Variants in NR4A1 observed in about 807,000 individuals in gnomAD.
NR4A1 encodes the protein nuclear receptor subfamily 4immunitygroup A member 1.
NR4A1 carries 24 observed loss-of-function variants against 47.5 expected under a neutral mutation model. That is an observed-to-expected ratio of 0.50 (90% CI 0.37 to 0.71). The LOEUF (loss-of-function observed/expected upper bound fraction) is 0.71, where lower values mean the gene tolerates loss of function less well. Among genes scored for constraint, NR4A1 ranks in the 30% least tolerant of loss-of-function variants. NR4A1 has a pLI of 0.00. For synonymous variants in NR4A1, 353 were observed against 345.7 expected, an observed-to-expected ratio of 1.02 and a Z score of -0.24; for missense variants, 669 against 788.6, an observed-to-expected ratio of 0.85 and a Z score of 1.82.
intron 1 of NR4A1, among the ~76,000 whole-genome samples, chr12:52,028,029 C>T (rs1938034014): frequency 6.6e-6 from 1 of 151,714 alleles, no homozygotes; most frequent in African/African-American, 2.4e-5. Flanking sequence ...TGATGAAATC[C>T]TGTCTCTACA....
chr12:52,025,063 CTT>C (rs532559170), intron 1 of NR4A1, among the ~76,000 whole-genome samples: 11 of 132,126 alleles, frequency 8.3e-5, no homozygotes, highest in Admixed American at 1.5e-4. Flanking sequence ...CTCACTGCTG[CTT>C]TTTTTTTTTT....
chr12:52,051,164 G>T (rs916919760), upstream of NR4A1, among the ~76,000 whole-genome samples: 2 of 152,214 alleles, frequency 1.3e-5, no homozygotes, highest in Non-Finnish European at 2.9e-5. Flanking sequence ...CGGGCGCGGC[G>T]GGCGCGAGGA....
intron 1 of NR4A1, among the ~76,000 whole-genome samples, chr12:52,028,474 T>G (rs1938048126): frequency 6.6e-6 from 1 of 151,886 alleles, no homozygotes; most frequent in Non-Finnish European, 1.5e-5. Context: ...CTTGGGAGGC[T>G]GAGGCAGGAG....
intron 4 of NR4A1, 42 bp downstream of exon 4, chr12:52,056,687 C>A: frequency 6.6e-7 from 1 of 1,516,264 alleles, no homozygotes; most frequent in Non-Finnish European, 8.8e-7. Context: ...GGTCTATGAG[C>A]ACATGCAGTG....
rs1555168682 is a variant in NR4A1 at position 52,052,304 on chromosome 12, TGAGA to T, written c.-3+757_-3+760del. ...GTGTGTGTGTGTGTGTGTGTGTGTG[TGAGA>T]GAGAGAGAGAGAGAGAGAGAAAGAG... On this transcript the variant is annotated intron_variant, in intron 1 of 6. Coordinates refer to ENST00000394825, the MANE Select transcript of NR4A1 (RefSeq NM_173157.3). Among the ~76,000 whole-genome samples the T allele has an allele frequency of 2.9e-3, 205 of 70,636 alleles. No homozygotes were observed. In the East Asian group the frequency reaches 0.03, roughly 10 times the overall value. 46.3% of individuals were successfully genotyped at this position (70,636 alleles called of 152,430 possible).
chr12:52,050,284 C>T (rs531050459), upstream of NR4A1, among the ~76,000 whole-genome samples: 3 of 152,208 alleles, frequency 2.0e-5, no homozygotes, highest in East Asian at 5.8e-4. Context: ...TCAGAGCTGC[C>T]TCCCCACAGG....
chr12:52,056,469 C>T (rs747593537), intron 3 of NR4A1, 25 bp from the exon 4 acceptor site: 2 of 1,607,400 alleles, frequency 1.2e-6, no homozygotes, highest in South Asian at 2.2e-5. Flanking sequence ...CCCTTCCTTC[C>T]TCACCCCTAC....
In NR4A1 at chr12:52,054,771, C is replaced by T. The variant is rs201397879; in HGVS notation, c.443C>T (p.Pro148Leu). The part of the protein sequence containing the change: ...APSPSTPSFQ[P>L]PQLSPWDGSF... The stretch of plus-strand genomic sequence containing the variant: ...TCGCCCTCCACGCCCAGCTTCCAGC[C>T]GCCCCAGCTCTCTCCCTGGGATGGC... The change falls in exon 2 of 7, where the codon CCG becomes CTG. Residue 148 changes from proline (P) to leucine (L), a missense_variant. Transcript: ENST00000394825. The T allele has an allele frequency of 1.3e-4, 213 of 1,612,662 alleles. No homozygotes were observed. In the Middle Eastern group the frequency reaches 4.1e-3, roughly 31 times the overall value.
upstream of NR4A1, chr12:52,051,366 G>C (rs1248018397): frequency 1.0e-6 from 1 of 985,120 alleles, no homozygotes; most frequent in Non-Finnish European, 1.2e-6. Context: ...CTCGACGGGC[G>C]GCCTGCGTCA....
At chr12:52,044,667 A>T (rs1796599806) in intron 2 of NR4A1, among the ~76,000 whole-genome samples, 1 of 152,210 alleles carries the variant, frequency 6.6e-6, no homozygotes, top group African/African-American at 2.4e-5. Context: ...TCGTTATCAG[A>T]GAGTTTTTAT....
chr12:52,043,395 C>A (rs530792679), intron 2 of NR4A1: 74 of 205,410 alleles, frequency 3.6e-4, no homozygotes, highest in South Asian at 4.0e-4. Flanking sequence ...CTTGTGTTTA[C>A]CTCGTTGTCT....
Position 52,058,871 on chromosome 12 carries a change from A to G in NR4A1, c.1724A>G (p.Tyr575Cys), listed in dbSNP as rs750197047. 15 of 1,614,080 alleles carry G rather than the reference A, an allele frequency of 9.3e-6. No homozygotes were observed. Among genetic ancestry groups the G allele is most frequent in the South Asian group, 7.7e-5 (7 of 91,092 alleles). ...LCTQGLQRIF[Y>C]LKLEDLVPPP... ...ACCCAGGGCCTGCAGCGCATCTTCT[A>G]CCTCAAGCTGGAGGACTTGGTGCCC... The change falls in exon 7 of 7, where the codon TAC (tyrosine) becomes TGC (cysteine). Residue 575 changes from tyrosine to cysteine, a missense_variant. Physicochemically the swap from Tyr to Cys is radical, Grantham distance 194. Coordinates refer to ENST00000394825, the MANE Select transcript of NR4A1 (RefSeq NM_173157.3).
At chr12:52,052,268 CGT>C (rs60552358) in intron 1 of NR4A1, among the ~76,000 whole-genome samples, 18,747 of 129,586 alleles carry the variant, frequency 0.14, 1,336 homozygotes, top group South Asian at 0.2. Flanking sequence ...GCTTGGATCA[CGT>C]GTGTGTGTGT....
upstream of NR4A1, among the ~76,000 whole-genome samples, chr12:52,051,199 G>A (rs1396487319): frequency 6.6e-6 from 1 of 152,188 alleles, no homozygotes; most frequent in Non-Finnish European, 1.5e-5. Context: ...CAAACAATCC[G>A]CGCTCCCTGC....
At chr12:52,037,864 A>G in intron 1 of NR4A1, 2 of 981,678 alleles carry the variant, frequency 2.0e-6, no homozygotes, top group South Asian at 9.4e-5. Context: ...AGTCAGGCGG[A>G]GCTGGGGATT....
chr12:52,029,893 T>C (rs146392497), intron 1 of NR4A1, among the ~76,000 whole-genome samples: 1 of 152,328 alleles, frequency 6.6e-6, no homozygotes, highest in Non-Finnish European at 1.5e-5. Flanking sequence ...GCAGCGTTAC[T>C]TAGCAACAGG....
At chr12:52,046,705 C>G (rs796713538), upstream of NR4A1, among the ~76,000 whole-genome samples, 1 of 152,104 alleles carries the variant, frequency 6.6e-6, no homozygotes, top group African/African-American at 2.4e-5. Context: ...AAATTTGGGC[C>G]GGGCACGGTG....
chr12:52,039,912 A>G (rs1227615746), intron 1 of NR4A1, among the ~76,000 whole-genome samples: 1 of 152,132 alleles, frequency 6.6e-6, no homozygotes. Flanking sequence ...CTGAGTGGGG[A>G]GAGAAGGCCC....
chr12:52,058,482 T>G (rs1939386065), intron 6 of NR4A1: 1 of 625,772 alleles, frequency 1.6e-6, no homozygotes. Context: ...CCTCGGGTTC[T>G]CACTTGGAGT....
Sources: gnomAD v4.1 joint callset for allele counts (sites outside exome capture counted in the v4.1 genomes callset) on GRCh38, gnomAD v4.1.1 for gene constraint, MANE v1.5 for transcripts, NCBI Gene and HGNC (gene_info 2026-07-23, HGNC 2026-07-21) for gene names.